The following FRMPD2 variants were observed in gnomAD, a reference collection of about 807,000 sequenced individuals.
FRMPD2 encodes FERM and PDZ domain-containing protein 2.
A neutral mutation model predicts 140.1 loss-of-function variants in FRMPD2; 96 were observed. The observed-to-expected ratio is 0.69, with a 90% CI of 0.58 to 0.81. The LOEUF (loss-of-function observed/expected upper bound fraction) is 0.81. Ranked by LOEUF, FRMPD2 falls within the 40% of genes least tolerant of loss-of-function variation. The pLI, the probability that FRMPD2 is intolerant of heterozygous loss-of-function variation, is 0.00. For synonymous variants in FRMPD2, 449 were observed against 547.6 expected (o/e 0.82, Z 2.52); for missense variants, 1,240 against 1,447.4 (o/e 0.86, Z 2.32).
At chr10:48,193,390 T>C (rs1260299292) in intron 15 of FRMPD2, among the ~76,000 whole-genome samples, 1 of 152,164 alleles carries the variant, frequency 6.6e-6, no homozygotes, top group African/African-American at 2.4e-5. Flanking sequence ...CTGGTAATCA[T>C]ATTTAATACA....
rs1411314166 is a variant in FRMPD2, at chr10:48,159,997, C to T, written c.3882-2627G>A. Among the ~76,000 whole-genome samples, 12 of 151,266 alleles carry T rather than the reference C, an allele frequency of 7.9e-5. 1 individual carries two copies. The highest frequency in any genetic ancestry group is 2.6e-4 in the Admixed American group (4 of 15,180). Reference sequence around the variant, plus strand: ...AAGCCTCCTAACTTCATCTGAGGCTCGACCAAACAAAAAGTGATTTGCTCC... The same window carrying T: ...AAGCCTCCTAACTTCATCTGAGGCTTGACCAAACAAAAAGTGATTTGCTCC... On this transcript the variant is annotated intron_variant, in intron 28 of 28. Coordinates refer to ENST00000374201, the MANE Select transcript of FRMPD2 (RefSeq NM_001018071.4).
chr10:48,252,472 C>T (rs1360741826), intron 1 of FRMPD2, among the ~76,000 whole-genome samples: 2 of 152,116 alleles, frequency 1.3e-5, no homozygotes, highest in Non-Finnish European at 2.9e-5. Context: ...TCTCTACAGC[C>T]AGAGCTCAAG....
At chr10:48,225,097 C>T (rs1483263374) in intron 10 of FRMPD2, among the ~76,000 whole-genome samples, 6 of 152,214 alleles carry the variant, frequency 3.9e-5, no homozygotes, top group Middle Eastern at 3.4e-3. Flanking sequence ...TGAGATATGA[C>T]GCCTAAGCCA....
In FRMPD2 at chr10:48,185,541, G is replaced by C. The variant is rs763253488; in HGVS notation, c.2359+12C>G. On this transcript the variant is annotated intron_variant, in intron 18 of 28. Coordinates refer to ENST00000374201, the MANE Select transcript of FRMPD2 (RefSeq NM_001018071.4). ...GTAGAGACTGGGCCTCACCTACAGGGAGCCCTCTTACCAAAACCACGATGT... is the reference window on the plus strand; with the variant it reads ...GTAGAGACTGGGCCTCACCTACAGGCAGCCCTCTTACCAAAACCACGATGT... 1.9e-5 allele frequency: 31 copies of C among 1,603,576 alleles called. No individual in the cohort carries two copies. The highest frequency in any genetic ancestry group is 2.6e-5 in the Non-Finnish European group (31 of 1,170,612).
intron 13 of FRMPD2, 141 bp from the exon 14 acceptor site, chr10:48,207,074 C>G: frequency 1.5e-6 from 1 of 687,658 alleles, no homozygotes; most frequent in Non-Finnish European, 2.3e-6. Flanking sequence ...TTAGGAAACA[C>G]TGGGTCAAAC....
intron 25 of FRMPD2, among the ~76,000 whole-genome samples, chr10:48,172,728 C>A (rs1311613631): frequency 1.3e-5 from 2 of 151,982 alleles, no homozygotes; most frequent in East Asian, 3.9e-4. Context: ...CAGAAAGATG[C>A]CTAGAAATAA....
intron 7 of FRMPD2, among the ~76,000 whole-genome samples, chr10:48,239,155 A>G (rs1840040177): frequency 6.6e-6 from 1 of 152,228 alleles, no homozygotes; most frequent in South Asian, 2.1e-4. Flanking sequence ...AGCCGAGCCG[A>G]AGACAGTCAA....
At chr10:48,190,941 T>C (rs75104895) in intron 16 of FRMPD2, among the ~76,000 whole-genome samples, 1 of 152,290 alleles carries the variant, frequency 6.6e-6, no homozygotes, top group East Asian at 1.9e-4. Context: ...TTTTAAACAA[T>C]GAAGTGCTAT....
Position 48,236,502 on chromosome 10 carries a change from GTA to G in FRMPD2, c.971_972del (p.Leu324ProfsTer35). The G allele has an allele frequency of 6.2e-7, 1 of 1,614,202 alleles. No individual in the cohort carries two copies. Among genetic ancestry groups the G allele is most frequent in the Non-Finnish European group, 8.5e-7 (1 of 1,180,028 alleles). On this transcript the variant is annotated frameshift_variant, in exon 9 of 29. Transcript: ENST00000374201. LOFTEE classifies it high-confidence loss of function. ...GTTACCACAACCGATCCCGGCAGAT[GTA>G]GTGTCATCGGGGCCTCTCCAGCCAA... Reference protein sequence around the residue: ...ILLAGEAPMTLHLPGSVVTKK... With the variant: ...ILLAGEAPMTXHLPGSVVTKK...
chr10:48,242,636 A>T (rs187552970), intron 4 of FRMPD2, among the ~76,000 whole-genome samples: 15 of 152,362 alleles, frequency 9.8e-5, no homozygotes, highest in Admixed American at 5.9e-4. Flanking sequence ...TGAAAACTAG[A>T]TGCTTTGACA....
chr10:48,173,991 A>G (rs1838335634), intron 24 of FRMPD2, among the ~76,000 whole-genome samples: 1 of 152,202 alleles, frequency 6.6e-6, no homozygotes, highest in Admixed American at 6.5e-5. Flanking sequence ...TACCCTCTCT[A>G]CCCATGCTCA....
At chr10:48,242,073 T>C in intron 5 of FRMPD2, 88 bp downstream of exon 5, 1 of 933,196 alleles carries the variant, frequency 1.1e-6, no homozygotes, top group Non-Finnish European at 1.6e-6. Flanking sequence ...TTTATTTTAT[T>C]TTAGTTAATG....
At position 48,206,764 on chromosome 10, in the gene FRMPD2, C is replaced by T; in HGVS notation, c.1781G>A (p.Gly594Glu). Residue 594 changes from glycine to glutamate, a missense_variant, in exon 14 of 29, where the codon GGG becomes GAG. By Grantham distance (98) the Gly-to-Glu change is moderately conservative (BLOSUM62 -2). Around this residue, in one of 6 missense-constraint regions of FRMPD2, gnomAD observed 1,161 missense variants for 1,055.9 expected, o/e 1.10. Transcript: ENST00000374201. ...TACACTCACATAAGTAGAAATCTTC[C>T]CGGTTTCTCTCCACTGAAACCGTAA... The part of the protein sequence containing the change: ...AMLRFQWRET[G>E]KISTYQKKFT... The T allele has an allele frequency of 6.2e-7, 1 of 1,613,532 alleles. No individual in the cohort carries two copies. Among genetic ancestry groups the T allele is most frequent in the Non-Finnish European group, 8.5e-7 (1 of 1,179,536 alleles).
chr10:48,252,318 G>C (rs558914711), intron 1 of FRMPD2, among the ~76,000 whole-genome samples: 9 of 152,290 alleles, frequency 5.9e-5, no homozygotes, highest in African/African-American at 1.9e-4. Context: ...CTGGTAAGCA[G>C]GGCCTTTAGA....
chr10:48,183,710 G>A (rs1838603932), intron 20 of FRMPD2, among the ~76,000 whole-genome samples: 1 of 151,782 alleles, frequency 6.6e-6, no homozygotes, highest in South Asian at 2.1e-4. Context: ...AAATTAGCCG[G>A]GTGTGGCAGC....
chr10:48,184,478 G>A (rs1468718246), intron 20 of FRMPD2, 88 bp downstream of exon 20: 9 of 791,928 alleles, frequency 1.1e-5, no homozygotes, highest in South Asian at 1.6e-5. Context: ...AGACCTACGT[G>A]GACTTCAAGG....
intron 1 of FRMPD2, among the ~76,000 whole-genome samples, chr10:48,274,192 T>G (rs758604096): frequency 1.2e-4 from 19 of 152,214 alleles, no homozygotes; most frequent in Non-Finnish European, 2.6e-4. Flanking sequence ...GGGGCATTAT[T>G]ATCCCCATTT....
Position 48,242,208 on chromosome 10 carries a change from G to A in FRMPD2, c.520C>T (p.Leu174Phe), listed in dbSNP as rs761878414. 7 of 1,614,140 alleles carry A rather than the reference G, an allele frequency of 4.3e-6. No homozygotes were observed. The highest frequency in any genetic ancestry group is 2.2e-5 in the East Asian group (1 of 44,886). The change falls in exon 5 of 29, where the codon CTC (leucine) becomes TTC (phenylalanine). Residue 174 changes from leucine (L) to phenylalanine (F), a missense_variant. Coordinates refer to ENST00000374201, the MANE Select transcript of FRMPD2 (RefSeq NM_001018071.4). ...EVSVYPAPAG[L>F]HIRRLVGLVL... ...AAGCCAACCAGCCTTCTGATGTGGA[G>A]ACCAGCAGGGGCTGGGTAGACAGAC...
chr10:48,181,525 G>A (rs1267488734), intron 20 of FRMPD2, among the ~76,000 whole-genome samples: 2 of 152,082 alleles, frequency 1.3e-5, no homozygotes, highest in African/African-American at 2.4e-5. Context: ...AAAAACCAAC[G>A]TATCAGGTCC....
Sources: gnomAD v4.1 joint callset for allele counts (sites outside exome capture counted in the v4.1 genomes callset) on GRCh38, gnomAD v4.1.1 for gene constraint, gnomAD v4.1.1 regional missense constraint, MANE v1.5 for transcripts, NCBI Gene and HGNC (gene_info 2026-07-23, HGNC 2026-07-21) for gene names.